Variants in MICA observed in about 807,000 individuals in gnomAD.
MICA encodes MHC class I polypeptide-related sequence A.
Under a neutral mutation model 34.3 loss-of-function variants are expected in MICA, and 18 were observed. That is an observed-to-expected ratio of 0.52 (90% confidence interval 0.36 to 0.78). The LOEUF is 0.78. Among genes scored for constraint, MICA ranks in the 30% least tolerant of loss-of-function variants. MICA has a pLI of 0.00. For synonymous variants in MICA, 135 were observed against 156.9 expected, an observed-to-expected ratio of 0.86 and a Z score of 1.04; for missense variants, 333 against 409.4, an observed-to-expected ratio of 0.81 and a Z score of 1.61.
chr6:31,409,396 G>C (rs2854000), intron 1 of MICA, among the ~76,000 whole-genome samples: 23,881 of 151,134 alleles, frequency 0.16, 2,195 homozygotes, highest in South Asian at 0.24. Context: ...GTTTGGATTT[G>C]CATTTTCCTA....
rs1321500864 is a variant in MICA at position 31,412,394 on chromosome 6, A to G, written c.962A>G (p.Tyr321Cys). 5.2e-6 allele frequency: 8 copies of G among 1,552,898 alleles called. No homozygotes were observed. The highest frequency in any genetic ancestry group is 1.5e-5 in the African/African-American group (1 of 65,640). The change falls in exon 5 of 6, where the codon TAT (tyrosine) becomes TGT (cysteine). Residue 321 changes from tyrosine (Y) to cysteine (C), a missense_variant. By Grantham distance (194) the Tyr-to-Cys change is radical (BLOSUM62 -2). Coordinates refer to ENST00000449934, the MANE Select transcript of MICA (RefSeq NM_001177519.3). Reference protein sequence around the residue: ...HVSAVAAGCCYFCYYYFLCPL... With the variant: ...HVSAVAAGCCCFCYYYFLCPL... ...TCTGCTGTTGCTGCTGGCTGCTGCT[A>G]TTTTTGTTATTATTATTTTCTATGT...
intron 5 of MICA, among the ~76,000 whole-genome samples, chr6:31,413,409 A>C (rs1338478693): frequency 6.6e-6 from 1 of 151,760 alleles, no homozygotes; most frequent in African/African-American, 2.4e-5. Context: ...TTCCCTTTCT[A>C]AAGGTGGTCA....
At position 31,415,069 on chromosome 6, in the gene MICA, A is replaced by T. The variant is rs374308825; in HGVS notation, c.*87A>T. 1.0e-5 allele frequency: 14 copies of T among 1,370,914 alleles called. No individual in the cohort carries two copies. The highest frequency in any genetic ancestry group is 1.0e-4 in the African/African-American group (7 of 68,990). The allele number at this position is 1,370,914 out of a possible 1,614,324, so 84.9% of individuals were successfully genotyped here. ...CCAGTTGGGACGAGTGACCACAGGG[A>T]TGCCACACAGCTCGGATTTCAGCCT... On this transcript the variant is annotated 3_prime_UTR_variant, in exon 6 of 6. Transcript: ENST00000449934.
intron 5 of MICA, among the ~76,000 whole-genome samples, chr6:31,414,788 T>G (rs1167238230): frequency 6.6e-6 from 1 of 151,684 alleles, no homozygotes; most frequent in African/African-American, 2.4e-5. Flanking sequence ...CCCTGCACGA[T>G]GAGTGGTGGG....
intron 1 of MICA, among the ~76,000 whole-genome samples, chr6:31,406,752 A>G (rs1770770514): frequency 1.3e-5 from 2 of 151,894 alleles, no homozygotes; most frequent in African/African-American, 4.8e-5. Context: ...GACAGGGTCT[A>G]GTTTCATTCT....
At chr6:31,403,525 A>G, upstream of MICA, 1 of 872,938 alleles carries the variant, frequency 1.1e-6, no homozygotes, top group Middle Eastern at 2.8e-4. This position sits in a 1 kb window ranked among gnomAD's most constrained non-coding sequence, Gnocchi z 4.7. Flanking sequence ...TCCGGGCCCC[A>G]GTTTCATTGG....
At position 31,412,405 on chromosome 6, in the gene MICA, T is replaced by G. The variant is rs758248388; in HGVS notation, c.973T>G (p.Tyr325Asp). The change falls in exon 5 of 6, where the codon TAT becomes GAT. Residue 325 changes from tyrosine to aspartate, a missense_variant. Transcript: ENST00000449934. ...VAAGCCYFCY[Y>D]YFLCPLL ...TGCTGGCTGCTGCTATTTTTGTTATTATTATTTTCTATGTCCGTTGTTGTA... is the reference window on the plus strand; with the variant it reads ...TGCTGGCTGCTGCTATTTTTGTTATGATTATTTTCTATGTCCGTTGTTGTA... 6.4e-7 allele frequency: 1 copy of G among 1,569,530 alleles called. No homozygotes were observed. Among genetic ancestry groups the G allele is most frequent in the Non-Finnish European group, 8.6e-7 (1 of 1,157,186 alleles).
At chr6:31,402,197 A>C (rs1668643373), upstream of MICA, 1 of 151,968 alleles carries the variant, frequency 6.6e-6, no homozygotes, top group African/African-American at 2.4e-5. Flanking sequence ...AGAAACAAAG[A>C]CATCTATAAC....
intron 1 of MICA, among the ~76,000 whole-genome samples, chr6:31,408,511 G>A (rs371660223): frequency 2.6e-5 from 4 of 151,662 alleles, no homozygotes; most frequent in South Asian, 2.1e-4. Flanking sequence ...ATACTCGGTG[G>A]CATTAGATAC....
upstream of MICA, chr6:31,403,580 G>T (rs1216533254): frequency 3.5e-6 from 5 of 1,409,104 alleles, no homozygotes; most frequent in Non-Finnish European, 4.7e-6. The surrounding 1 kb of genome is among the most constrained non-coding windows in gnomAD (Gnocchi z 4.7). Flanking sequence ...TTTCCGCGGC[G>T]CCTTCTCCCC....
In MICA at chr6:31,412,364, A is replaced by G. The variant is rs767638328; in HGVS notation, c.932A>G (p.His311Arg). 2.0e-5 allele frequency: 30 copies of G among 1,529,474 alleles called. 3 individuals are homozygous for G. The East Asian group carries it at 7.3e-4, about 37-fold the overall frequency. The allele number at this position is 1,529,474 out of a possible 1,614,324, so 94.7% of individuals were successfully genotyped here. A position where few individuals can be genotyped will look rare whatever the true frequency, so the allele number is the denominator to read the frequency against. ...LVLQSHWQTF[H>R]VSAVAAGCCY... is the part of the protein sequence containing the mutation. ...CTTCAGAGTCATTGGCAGACATTCC[A>G]TGTTTCTGCTGTTGCTGCTGGCTGC... Residue 311 changes from histidine (H) to arginine (R), a missense_variant, in exon 5 of 6, where the codon CAT (histidine) becomes CGT (arginine). By Grantham distance (29) the His-to-Arg change is conservative. Coordinates refer to ENST00000449934, the MANE Select transcript of MICA (RefSeq NM_001177519.3).
intron 1 of MICA, among the ~76,000 whole-genome samples, chr6:31,404,925 A>T (rs1377091322): frequency 6.6e-6 from 1 of 151,050 alleles, no homozygotes; most frequent in African/African-American, 2.4e-5. Flanking sequence ...CCACCTTGGG[A>T]CCTTGTGCTG....
At chr6:31,401,790 A>G (rs1327655822), upstream of MICA, among the ~76,000 whole-genome samples, 2 of 151,862 alleles carry the variant, frequency 1.3e-5, no homozygotes, top group African/African-American at 2.4e-5. Context: ...AAAGATACTA[A>G]GATTTAGGTC....
At chr6:31,409,784 A>C (rs1470444636) in intron 1 of MICA, among the ~76,000 whole-genome samples, 1 of 151,782 alleles carries the variant, frequency 6.6e-6, no homozygotes, top group Non-Finnish European at 1.5e-5. Context: ...ATTTTGAGTT[A>C]ATTTTTGTAT....
At chr6:31,401,443 A>T (rs1474739635), upstream of MICA, among the ~76,000 whole-genome samples, 1 of 151,734 alleles carries the variant, frequency 6.6e-6, no homozygotes. Context: ...AAAGTTTGTG[A>T]GGCTGACAAA....
At chr6:31,401,501 G>T (rs114892859), upstream of MICA, among the ~76,000 whole-genome samples, 1,738 of 151,576 alleles carry the variant, frequency 0.011, 18 homozygotes, top group South Asian at 0.022. Flanking sequence ...TAGGGTAGAA[G>T]ATGGTAGATG....
intron 1 of MICA, among the ~76,000 whole-genome samples, chr6:31,404,654 C>T (rs1434845884): frequency 6.6e-6 from 1 of 151,948 alleles, no homozygotes; most frequent in African/African-American, 2.4e-5. Flanking sequence ...TCTGGTGCTG[C>T]CTTTTATCCG....
chr6:31,410,751 A>G lies in MICA; in HGVS notation c.279A>G (p.Gly93=), dbSNP rs17206568. The G allele has an allele frequency of 6.3e-7, 1 of 1,591,518 alleles. No homozygotes were observed. Among genetic ancestry groups the G allele is most frequent in the South Asian group, 1.1e-5 (1 of 88,644 alleles). The part of the protein sequence containing the change: ...DRETRDLTGN[G]KDLRMTLAHI... ...AGACCAGGGACTTGACAGGGAACGG[A>G]AAGGACCTCAGGATGACCCTGGCTC... is the stretch of plus-strand genomic sequence containing the variant. Residue 93 remains glycine, a synonymous_variant, in exon 2 of 6, where the codon GGA becomes GGG. Coordinates refer to ENST00000449934, the MANE Select transcript of MICA (RefSeq NM_001177519.3).
At position 31,411,093 on chromosome 6, in the gene MICA, T is replaced by A; in HGVS notation, c.347T>A (p.Ile116Asn). 1 of 1,602,340 alleles carries A rather than the reference T, an allele frequency of 6.2e-7. No individual in the cohort carries two copies. Among genetic ancestry groups the A allele is most frequent in the Non-Finnish European group, 8.5e-7 (1 of 1,175,334 alleles). ...GCAGGCTTGCATTCCCTCCAGGAGA[T>A]TAGGGTCTGTGAGATCCATGAAGAC... ...QKEGLHSLQEIRVCEIHEDNS... is the reference protein window; with the variant it reads ...QKEGLHSLQENRVCEIHEDNS... The change falls in exon 3 of 6, where the codon ATT (isoleucine) becomes AAT (asparagine). Residue 116 changes from isoleucine to asparagine, a missense_variant. Transcript: ENST00000449934. This position sits in a 1 kb window ranked among gnomAD's most constrained non-coding sequence, Gnocchi z 4.3.
Sources: gnomAD v4.1 joint callset for allele counts (sites outside exome capture counted in the v4.1 genomes callset) on GRCh38, gnomAD v4.1.1 for gene constraint, Gnocchi (gnomAD v3.1) non-coding constraint, MANE v1.5 for transcripts, NCBI Gene and HGNC (gene_info 2026-07-23, HGNC 2026-07-21) for gene names.